SYNE1: variants seen among roughly 807,000 people sequenced by gnomAD.
SYNE1 encodes the protein spectrin repeat containing nuclear envelope protein 1, also known as nesprin-1.
SYNE1 carries 616 observed loss-of-function variants against 1,111.0 expected under a neutral mutation model. That is an observed-to-expected ratio of 0.55 (90% CI 0.52 to 0.59). The LOEUF is 0.59. SYNE1 is among the 20% of genes least tolerant of loss of function. SYNE1 has a pLI of 0.00. For synonymous variants in SYNE1, 3,855 were observed against 3,825.8 expected (o/e 1.01, Z -0.28); for missense variants, 10,006 against 10,417.0 (o/e 0.96, Z 1.72).
intron 114 of SYNE1, 111 bp downstream of exon 114, chr6:152,231,280 C>T (rs763453967): frequency 6.5e-5 from 73 of 1,116,584 alleles, no homozygotes; most frequent in Middle Eastern, 2.0e-4. Context: ...TTATTGGAAG[C>T]GTTCTTTGCC....
In SYNE1 at chr6:152,430,489, A is replaced by T. The variant is rs1370533707; in HGVS notation, c.4682T>A (p.Leu1561His). The T allele has an allele frequency of 1.9e-6, 3 of 1,613,734 alleles. No individual in the cohort carries two copies. Among genetic ancestry groups the T allele is most frequent in the Non-Finnish European group, 2.5e-6 (3 of 1,179,680 alleles). ...LSQQQKFEEN[L>H]RKIQQSVSEF... Reference sequence around the variant, plus strand: ...AGGTGGATCAATTCTTACCTTTCTAAGGTTCTCTTCAAACTTTTGCTGCTG... The same window carrying T: ...AGGTGGATCAATTCTTACCTTTCTATGGTTCTCTTCAAACTTTTGCTGCTG... The change falls in exon 35 of 146, where the codon CTT becomes CAT. Residue 1561 changes from leucine to histidine, a missense_variant. Coordinates refer to ENST00000367255, the MANE Select transcript of SYNE1 (RefSeq NM_182961.4).
chr6:152,471,834 G>A (rs2098807305), intron 15 of SYNE1, 69 bp from the exon 16 acceptor site: 1 of 1,483,850 alleles, frequency 6.7e-7, no homozygotes, highest in Non-Finnish European at 9.4e-7. Context: ...TACTTAACCT[G>A]TTACATGTCA....
intron 138 of SYNE1, 99 bp from the exon 139 acceptor site, chr6:152,141,428 T>A: frequency 6.5e-7 from 1 of 1,539,950 alleles, no homozygotes; most frequent in Non-Finnish European, 8.9e-7. Flanking sequence ...AAGAGAAGTG[T>A]CTGTGTTTGG....
chr6:152,545,842 AT>A (rs1390839922), intron 3 of SYNE1: 1 of 152,206 alleles, frequency 6.6e-6, no homozygotes. Context: ...AAAAATATAA[AT>A]GTAAATGTTC....
intron 3 of SYNE1, among the ~76,000 whole-genome samples, chr6:152,567,363 TC>T (rs2099417330): frequency 6.6e-6 from 1 of 151,988 alleles, no homozygotes; most frequent in East Asian, 1.9e-4. Flanking sequence ...AAGATTTTTT[TC>T]CCATTATAAT....
chr6:152,486,293 G>GA (rs1240585499), intron 12 of SYNE1, among the ~76,000 whole-genome samples: 4 of 152,092 alleles, frequency 2.6e-5, no homozygotes, highest in African/African-American at 4.8e-5. Context: ...GATTCTGAGT[G>GA]AAAAAACTGG....
intron 22 of SYNE1, among the ~76,000 whole-genome samples, chr6:152,457,133 G>C (rs1286437392): frequency 6.6e-6 from 1 of 151,992 alleles, no homozygotes; most frequent in East Asian, 1.9e-4. Context: ...GCAGTTTGGT[G>C]GTATAATCAT....
In SYNE1 at chr6:152,616,720, ATTC is replaced by A. The variant is rs2099652765; in HGVS notation, c.67+11542_67+11544del. Among the ~76,000 whole-genome samples, 5 of 152,110 alleles carry A rather than the reference ATTC, an allele frequency of 3.3e-5. No individual in the cohort carries two copies. The South Asian group carries it at 1.0e-3, about 31-fold the overall frequency. On this transcript the variant is annotated intron_variant, in intron 3 of 145. Transcript: ENST00000367255. ...TGGCTCTCTTTGATGTTTTACTTCC[ATTC>A]TTCTTATACTTTTCTACCTCTTAAT... is the stretch of plus-strand genomic sequence containing the variant.
At chr6:152,623,272 G>A (rs2099679444) in intron 3 of SYNE1, among the ~76,000 whole-genome samples, 1 of 152,048 alleles carries the variant, frequency 6.6e-6, no homozygotes, top group African/African-American at 2.4e-5. Flanking sequence ...TTCAATAAAT[G>A]GTGCTGGAAT....
Position 152,309,853 on chromosome 6 carries a change from C to A in SYNE1, c.17184G>T (p.Gln5728His), listed in dbSNP as rs1277814984. 3.7e-6 allele frequency: 6 copies of A among 1,613,898 alleles called. No homozygotes were observed. The highest frequency in any genetic ancestry group is 5.1e-6 in the Non-Finnish European group (6 of 1,180,044). ...CACCTGCCTGCATGATGTTACACTG[C>A]TGGATGGCGGTGTGCTGCAGCCGGC... ...EASRLQHTAI[Q>H]QCNIMQEAVV... is the part of the protein sequence containing the mutation. Residue 5728 changes from glutamine (Q) to histidine (H), a missense_variant, in exon 90 of 146, where the codon CAG (glutamine) becomes CAT (histidine). Gln to His is a conservative substitution (Grantham distance 24, BLOSUM62 0). Coordinates refer to ENST00000367255, the MANE Select transcript of SYNE1 (RefSeq NM_182961.4).
At chr6:152,191,496 A>ATG (rs1167480199) in intron 127 of SYNE1, among the ~76,000 whole-genome samples, 1 of 151,988 alleles carries the variant, frequency 6.6e-6, no homozygotes, top group East Asian at 1.9e-4. Context: ...TCATGGTTCA[A>ATG]TCTTGGCAGG....
At chr6:152,285,451 C>T (rs1242012443) in intron 95 of SYNE1, among the ~76,000 whole-genome samples, 3 of 152,178 alleles carry the variant, frequency 2.0e-5, no homozygotes, top group African/African-American at 7.2e-5. Context: ...TCCTCTCACT[C>T]CCCTGCTTTG....
chr6:152,539,676 C>T (rs2099260106), intron 4 of SYNE1, among the ~76,000 whole-genome samples: 1 of 152,172 alleles, frequency 6.6e-6, no homozygotes, highest in African/African-American at 2.4e-5. Context: ...TTTGATATGA[C>T]ACACACATTA....
intron 101 of SYNE1, 129 bp from the exon 102 acceptor site, chr6:152,256,894 A>T (rs1416514043): frequency 1.5e-6 from 2 of 1,373,352 alleles, no homozygotes; most frequent in African/African-American, 2.9e-5. Context: ...GAGAAATATA[A>T]CTTCTACAAC....
At chr6:152,352,974 AT>A (rs1364661784) in intron 69 of SYNE1, among the ~76,000 whole-genome samples, 1 of 152,206 alleles carries the variant, frequency 6.6e-6, no homozygotes, top group Non-Finnish European at 1.5e-5. Context: ...TGGGCCATTA[AT>A]TTGAGAGAGA....
At position 152,472,414 on chromosome 6, in the gene SYNE1, C is replaced by T; in HGVS notation, c.1351-1G>A. 6.2e-7 allele frequency: 1 copy of T among 1,612,096 alleles called. No homozygotes were observed. Among genetic ancestry groups the T allele is most frequent in the Non-Finnish European group, 8.5e-7 (1 of 1,178,622 alleles). On this transcript the variant is annotated splice_acceptor_variant, in intron 14 of 145. Transcript: ENST00000367255. LOFTEE classifies it high-confidence loss of function. ...GGGCATCCGTGTTTTGAAGCAGATC[C>T]TAAGATACAGTTTAAAAAAAAATAA...
At chr6:152,320,585 C>T (rs1275952686) in intron 84 of SYNE1, among the ~76,000 whole-genome samples, 1 of 151,970 alleles carries the variant, frequency 6.6e-6, no homozygotes, top group Non-Finnish European at 1.5e-5. Flanking sequence ...TGAAATTGTG[C>T]TCTTCATGAG....
chr6:152,445,776 A>G (rs1032370479), intron 29 of SYNE1, among the ~76,000 whole-genome samples: 1 of 152,100 alleles, frequency 6.6e-6, no homozygotes, highest in African/African-American at 2.4e-5. Context: ...TAATTTAAAT[A>G]CTAAATGAAT....
intron 140 of SYNE1, among the ~76,000 whole-genome samples, chr6:152,139,033 T>C (rs1344779773): frequency 6.6e-6 from 1 of 152,212 alleles, no homozygotes; most frequent in African/African-American, 2.4e-5. Context: ...AACTTCATTA[T>C]GTCCCCCACA....
Sources: allele counts gnomAD v4.1 joint callset (sites outside exome capture counted in the v4.1 genomes callset), GRCh38; gene constraint gnomAD v4.1.1; transcripts MANE v1.5; gene names NCBI Gene and HGNC (gene_info 2026-07-23, HGNC 2026-07-21).